CEP295: variants seen among roughly 807,000 people sequenced by gnomAD.
The protein encoded by CEP295 is centrosomal protein 295, also known as centrosomal protein of 295 kDa.
A neutral mutation model predicts 291.6 loss-of-function variants in CEP295; 190 were observed. The ratio of observed to expected loss-of-function variants is 0.65; its 90% confidence interval spans 0.58 to 0.73. The LOEUF (loss-of-function observed/expected upper bound fraction) is 0.73. CEP295 is among the 30% of genes least tolerant of loss of function. The pLI, the probability that CEP295 is intolerant of heterozygous loss-of-function variation, is 0.00. For synonymous variants in CEP295, 993 were observed against 1,038.8 expected, an observed-to-expected ratio of 0.96 and a Z score of 0.85; for missense variants, 2,863 against 2,949.4, an observed-to-expected ratio of 0.97 and a Z score of 0.68.
intron 10 of CEP295, 66 bp from the exon 11 acceptor site, chr11:93,691,617 T>G (rs1380176251): frequency 4.7e-6 from 5 of 1,065,098 alleles, no homozygotes; most frequent in Non-Finnish European, 4.2e-6. Context: ...ACCAGAATTT[T>G]GTTATTTTGC....
chr11:93,685,235 T>TA (rs1265198104), intron 9 of CEP295, among the ~76,000 whole-genome samples: 1 of 152,202 alleles, frequency 6.6e-6, no homozygotes, highest in Non-Finnish European at 1.5e-5. Context: ...TTCCTTTGTT[T>TA]AAAACCACTG....
intron 12 of CEP295, among the ~76,000 whole-genome samples, chr11:93,694,254 C>G (rs1411962473): frequency 6.6e-6 from 1 of 152,162 alleles, no homozygotes; most frequent in Non-Finnish European, 1.5e-5. Flanking sequence ...GTCTGTTTAT[C>G]AGGGACTGTA....
chr11:93,684,212 G>A, intron 9 of CEP295, 84 bp downstream of exon 9: 1 of 1,216,242 alleles, frequency 8.2e-7, no homozygotes. Flanking sequence ...GGAAAATCTG[G>A]TCTGATATAA....
At chr11:93,679,607 C>G in intron 7 of CEP295, 55 bp downstream of exon 7, 3 of 1,445,042 alleles carry the variant, frequency 2.1e-6, no homozygotes, top group Non-Finnish European at 2.8e-6. Context: ...AATAGCATTG[C>G]AGGACTGATT....
At position 93,696,645 on chromosome 11, in the gene CEP295, T is replaced by A. The variant is rs535100157; in HGVS notation, c.1770-37T>A. 222 of 1,480,978 alleles carry A rather than the reference T, an allele frequency of 1.5e-4. 1 individual carries two copies. In the African/African-American group the frequency reaches 2.4e-3, roughly 16 times the overall value. The allele number at this position is 1,480,978 out of a possible 1,614,324, so 91.7% of individuals were successfully genotyped here. A position where few individuals can be genotyped will look rare whatever the true frequency, so the allele number is the denominator to read the frequency against. On this transcript the variant is annotated intron_variant, in intron 14 of 29. Coordinates refer to ENST00000325212, the MANE Select transcript of CEP295 (RefSeq NM_033395.2). ...TAGACATGGGGCTTTTTATTTTTCA[T>A]TAAAAAACAATAATTGTTTGCTTTT...
rs767057997 is a variant in CEP295, at chr11:93,724,395, C to A, written c.6318+20C>A. The A allele has an allele frequency of 6.5e-7, 1 of 1,541,956 alleles. No individual in the cohort carries two copies. Among genetic ancestry groups the A allele is most frequent in the South Asian group, 1.2e-5 (1 of 82,930 alleles). On this transcript the variant is annotated intron_variant, in intron 22 of 29. Coordinates refer to ENST00000325212, the MANE Select transcript of CEP295 (RefSeq NM_033395.2). ...TACCAGGTATATTAAAGTAGATGTC[C>A]CATTGCAGTGAATATCTAAAAATAG...
At chr11:93,690,468 A>G (rs1951467327) in intron 10 of CEP295, among the ~76,000 whole-genome samples, 1 of 151,102 alleles carries the variant, frequency 6.6e-6, no homozygotes, top group African/African-American at 2.4e-5. Context: ...CTGAGGCAGG[A>G]GAATGGCGTG....
intron 6 of CEP295, among the ~76,000 whole-genome samples, chr11:93,677,047 A>G (rs1300123169): frequency 3.9e-5 from 6 of 152,032 alleles, no homozygotes; most frequent in Non-Finnish European, 8.8e-5. Context: ...ACACATTTTT[A>G]TTCGAATATT....
rs74715307 is a variant in CEP295 at position 93,715,193 on chromosome 11, A to G, written c.5750-6119A>G. On this transcript the variant is annotated intron_variant, in intron 18 of 29. Transcript: ENST00000325212. Reference sequence around the variant, plus strand: ...CTACTGTGGCTAAGCAGGCACCAAAATCACAAACAAAGTCCTTTCCACTGT... The same window carrying G: ...CTACTGTGGCTAAGCAGGCACCAAAGTCACAAACAAAGTCCTTTCCACTGT... Among the ~76,000 whole-genome samples the G allele has an allele frequency of 1.9e-3, 284 of 152,106 alleles. 10 individuals are homozygous for G. In the East Asian group the frequency reaches 0.052, roughly 28 times the overall value.
At chr11:93,671,345 A>G (rs1238745278) in intron 5 of CEP295, among the ~76,000 whole-genome samples, 1 of 151,948 alleles carries the variant, frequency 6.6e-6, no homozygotes, top group South Asian at 2.1e-4. Flanking sequence ...TTTTTACTCA[A>G]TATTACATAG....
rs1809499190 is a variant in CEP295 at position 93,729,481 on chromosome 11, T to C, written c.7350T>C (p.Tyr2450=). The stretch of plus-strand genomic sequence containing the variant: ...TATCAGCAACAGAAGCCTCAGATTA[T>C]CCAGCTGTATCAGAACTTTCCATAG... ...PLVSATEASD[Y]PAVSELSIEK... is the part of the protein sequence containing the mutation. The change falls in exon 26 of 30, where the codon TAT becomes TAC. Residue 2450 remains tyrosine (Y), a synonymous_variant. Coordinates refer to ENST00000325212, the MANE Select transcript of CEP295 (RefSeq NM_033395.2). The C allele has an allele frequency of 6.4e-7, 1 of 1,551,838 alleles. No homozygotes were observed. The highest frequency in any genetic ancestry group is 2.0e-5 in the Admixed American group (1 of 50,982).
At chr11:93,681,636 G>C (rs1169540105) in intron 7 of CEP295, among the ~76,000 whole-genome samples, 1 of 150,966 alleles carries the variant, frequency 6.6e-6, no homozygotes. Context: ...GGATAGTCTC[G>C]ATCTCCTGAC....
At chr11:93,708,984 A>C (rs1455814328) in intron 18 of CEP295, among the ~76,000 whole-genome samples, 1 of 152,026 alleles carries the variant, frequency 6.6e-6, no homozygotes, top group East Asian at 1.9e-4. Context: ...CCCATTTTTT[A>C]ATCAGGTAAT....
chr11:93,700,132 G>A lies in CEP295; in HGVS notation c.5220G>A (p.Gln1740=). 1.3e-6 allele frequency: 2 copies of A among 1,551,562 alleles called. No individual in the cohort carries two copies. Among genetic ancestry groups the A allele is most frequent in the South Asian group, 2.4e-5 (2 of 84,026 alleles). ...KLLVQRQTAL[Q]QQIQKHEETL... is the part of the protein sequence containing the mutation. ...TTGTACAGAGACAAACAGCATTGCA[G>A]CAGCAGATACAGAAACATGAAGAGA... The change falls in exon 15 of 30, where the codon CAG becomes CAA. Residue 1740 remains glutamine (Q), a synonymous_variant. Transcript: ENST00000325212.
chr11:93,693,515 G>T (rs562800942), intron 12 of CEP295, among the ~76,000 whole-genome samples: 31 of 152,186 alleles, frequency 2.0e-4, no homozygotes, highest in South Asian at 1.5e-3. Context: ...CAGTACTTTG[G>T]GAGGCTTAGG....
At chr11:93,696,277 C>A in intron 13 of CEP295, 43 bp from the exon 14 acceptor site, 1 of 1,178,958 alleles carries the variant, frequency 8.5e-7, no homozygotes, top group East Asian at 2.6e-5. Flanking sequence ...TCAATACTTA[C>A]TTCTAAATTT....
At chr11:93,720,857 A>G (rs1011665222) in intron 18 of CEP295, among the ~76,000 whole-genome samples, 1 of 152,138 alleles carries the variant, frequency 6.6e-6, no homozygotes, top group Non-Finnish European at 1.5e-5. Flanking sequence ...TCAGCCTCCC[A>G]AAGTGCTATG....
intron 18 of CEP295, among the ~76,000 whole-genome samples, chr11:93,715,787 A>G (rs896595903): frequency 2.0e-5 from 3 of 152,122 alleles, no homozygotes; most frequent in Non-Finnish European, 4.4e-5. Flanking sequence ...TCCAACAGCT[A>G]GGTCCTAGTA....
Position 93,729,434 on chromosome 11 carries a change from G to T in CEP295, c.7303G>T (p.Val2435Leu), listed in dbSNP as rs1259175389. The T allele has an allele frequency of 2.6e-6, 4 of 1,545,574 alleles. No homozygotes were observed. Among genetic ancestry groups the T allele is most frequent in the Non-Finnish European group, 3.5e-6 (4 of 1,141,374 alleles). Residue 2435 changes from valine to leucine, a missense_variant and splice_region_variant, in exon 26 of 30, where the codon GTG becomes TTG. Val to Leu is a conservative substitution (Grantham distance 32, BLOSUM62 1). Transcript: ENST00000325212. ...AAACATGCAACTTTCTTGCCATTAG[G>T]TGAGTGAGTTTCTGCCTCTTGTATC... ...SENEAKCFFQ[V>L]SEFLPLVSAT...
Sources: allele counts gnomAD v4.1 joint callset (sites outside exome capture counted in the v4.1 genomes callset), GRCh38; gene constraint gnomAD v4.1.1; transcripts MANE v1.5; gene names NCBI Gene and HGNC (gene_info 2026-07-23, HGNC 2026-07-21).